The following MAP3K7CL variants were observed in gnomAD, a reference collection of about 807,000 sequenced individuals.
MAP3K7CL encodes MAP3K7 C-terminal like.
In MAP3K7CL, 16 loss-of-function variants were observed where a neutral mutation model predicts 18.6. The ratio of observed to expected loss-of-function variants is 0.86; its 90% confidence interval spans 0.58 to 1.31. The LOEUF (loss-of-function observed/expected upper bound fraction) is 1.31, where lower values mean the gene tolerates loss of function less well. MAP3K7CL is among the 50% of genes most tolerant of loss of function. MAP3K7CL has a pLI of 0.00. For synonymous variants in MAP3K7CL, 65 were observed against 66.8 expected, an observed-to-expected ratio of 0.97 and a Z score of 0.13; for missense variants, 163 against 174.4, an observed-to-expected ratio of 0.93 and a Z score of 0.37.
At chr21:29,138,443 A>G (rs551023992) in intron 2 of MAP3K7CL, among the ~76,000 whole-genome samples, 1 of 152,314 alleles carries the variant, frequency 6.6e-6, no homozygotes, top group South Asian at 2.1e-4. Context: ...TTCAAGAATC[A>G]CTGGCCCTTC....
upstream of MAP3K7CL, chr21:29,130,514 CA>C: frequency 1.3e-6 from 1 of 770,134 alleles, no homozygotes; most frequent in Non-Finnish European, 1.6e-6. Flanking sequence ...TCTTGTGAAG[CA>C]AGTCTGTTTG....
intron 1 of MAP3K7CL, among the ~76,000 whole-genome samples, chr21:29,090,686 T>G (rs1442745470): frequency 6.6e-6 from 1 of 152,034 alleles, no homozygotes; most frequent in African/African-American, 2.4e-5. Flanking sequence ...GCAGCTTCTT[T>G]GTTAATAGAA....
At chr21:29,127,337 T>C (rs1272985941), upstream of MAP3K7CL, among the ~76,000 whole-genome samples, 1 of 152,232 alleles carries the variant, frequency 6.6e-6, no homozygotes, top group Non-Finnish European at 1.5e-5. Context: ...AGAAACATAC[T>C]GTTAATCTGT....
At chr21:29,093,630 C>T (rs1274043264) in intron 4 of MAP3K7CL, among the ~76,000 whole-genome samples, 4 of 152,012 alleles carry the variant, frequency 2.6e-5, no homozygotes, top group South Asian at 4.1e-4. Flanking sequence ...TGCCGGCACC[C>T]GCCACCACGC....
At chr21:29,092,528 C>T (rs1042001792) in exon 4 of MAP3K7CL, 1 of 1,614,112 alleles carries the variant, frequency 6.2e-7, no homozygotes, top group Non-Finnish European at 8.5e-7. Context: ...TGGATGCTCA[C>T]TCTGAAGCCA....
chr21:29,172,850 G>A (rs867185726), intron 4 of MAP3K7CL, among the ~76,000 whole-genome samples: 28 of 71,032 alleles, frequency 3.9e-4, no homozygotes, highest in Non-Finnish European at 4.4e-4. Context: ...CCCTCCCCCC[G>A]CCCCTTGTTC....
intron 4 of MAP3K7CL, among the ~76,000 whole-genome samples, chr21:29,093,140 G>T (rs1476041947): frequency 6.6e-6 from 1 of 152,226 alleles, no homozygotes; most frequent in African/African-American, 2.4e-5. Context: ...CTGACTTCAA[G>T]TGATCCGCCC....
chr21:29,146,328 C>T (rs1006079663), intron 2 of MAP3K7CL, among the ~76,000 whole-genome samples: 1 of 152,074 alleles, frequency 6.6e-6, no homozygotes, highest in East Asian at 1.9e-4. Context: ...CTAAAATGGT[C>T]GTGATGTCTA....
At chr21:29,096,091 T>G (rs1319609394) in intron 4 of MAP3K7CL, among the ~76,000 whole-genome samples, 1 of 152,238 alleles carries the variant, frequency 6.6e-6, no homozygotes, top group Non-Finnish European at 1.5e-5. Context: ...AGTCACATTT[T>G]CAGCCTGGTA....
chr21:29,112,068 G>A (rs912158658), intron 4 of MAP3K7CL, among the ~76,000 whole-genome samples: 9 of 152,072 alleles, frequency 5.9e-5, no homozygotes, highest in South Asian at 4.1e-4. Context: ...AGGCCTAGGC[G>A]GGAGGATCAC....
intron 4 of MAP3K7CL, among the ~76,000 whole-genome samples, chr21:29,106,080 AT>A (rs979647540): frequency 6.6e-6 from 1 of 152,190 alleles, no homozygotes; most frequent in African/African-American, 2.4e-5. Context: ...AGACTGGGGT[AT>A]AAGTAACCTA....
At position 29,135,058 on chromosome 21, in the gene MAP3K7CL, AAAC is replaced by A. The variant is rs1209625370; in HGVS notation, c.70+1647_70+1649del. 1.9e-4 allele frequency among the ~76,000 whole-genome samples: 29 copies of A among 149,708 alleles called. 1 individual carries two copies. Among genetic ancestry groups the A allele is most frequent in the East Asian group, 4.1e-4 (2 of 4,934 alleles). Reference sequence around the variant, plus strand: ...AGAGCAGGACTCCATCTCAAAAAAAAAACAAAAAAAACAAAAAACAAACCATGC... The same window carrying A: ...AGAGCAGGACTCCATCTCAAAAAAAAAAAAAAAACAAAAAACAAACCATGC... On this transcript the variant is annotated intron_variant, in intron 2 of 4. Coordinates refer to ENST00000399928, the MANE Select transcript of MAP3K7CL (RefSeq NM_001286620.2).
chr21:29,133,354 A>G lies in MAP3K7CL; in HGVS notation c.10A>G (p.Thr4Ala). 1 of 1,550,500 alleles carries G rather than the reference A, an allele frequency of 6.4e-7. No individual in the cohort carries two copies. Among genetic ancestry groups the G allele is most frequent in the Non-Finnish European group, 8.7e-7 (1 of 1,146,924 alleles). Residue 4 changes from threonine (T) to alanine (A), a missense_variant, in exon 2 of 5, where the codon ACA becomes GCA. Transcript: ENST00000399928. MIS[T>A]ARVPADKPVR... ...AGGCTCAGGTGCCCACATGATCAGCACAGCCAGGGTACCTGCTGACAAGCC... is the reference window on the plus strand; with the variant it reads ...AGGCTCAGGTGCCCACATGATCAGCGCAGCCAGGGTACCTGCTGACAAGCC...
intron 1 of MAP3K7CL, 147 bp from the exon 2 acceptor site, chr21:29,133,159 G>T (rs926792207): frequency 2.1e-5 from 11 of 526,430 alleles, no homozygotes; most frequent in Non-Finnish European, 3.3e-5. Flanking sequence ...TTTTGACATA[G>T]AAAAAGCTCA....
chr21:29,161,223 T>C (rs541591387), intron 4 of MAP3K7CL, among the ~76,000 whole-genome samples: 53 of 152,288 alleles, frequency 3.5e-4, no homozygotes, highest in African/African-American at 1.1e-3. Context: ...GGCAGGAGAA[T>C]CGCTTGAACC....
Position 29,168,468 on chromosome 21 carries a change from G to A in MAP3K7CL, c.249-6244G>A, listed in dbSNP as rs904704884. ...TTACTTTGTTTATGGAGACAGAGAT[G>A]TAGCCAAAGGTATTCTTTCATTTTA... On this transcript the variant is annotated intron_variant, in intron 4 of 4. Coordinates refer to ENST00000399928, the MANE Select transcript of MAP3K7CL (RefSeq NM_001286620.2). Among the ~76,000 whole-genome samples the A allele has an allele frequency of 2.0e-5, 3 of 152,182 alleles. No individual in the cohort carries two copies. In the East Asian group the frequency reaches 5.8e-4, roughly 29 times the overall value.
chr21:29,091,537 G>A (rs1328580778), exon 2 of MAP3K7CL: 1 of 700,862 alleles, frequency 1.4e-6, no homozygotes. Flanking sequence ...ATGCAGTGGT[G>A]GAATCATGGC....
At chr21:29,159,507 A>T (rs1330201342) in intron 3 of MAP3K7CL, among the ~76,000 whole-genome samples, 1 of 152,266 alleles carries the variant, frequency 6.6e-6, no homozygotes, top group Non-Finnish European at 1.5e-5. Flanking sequence ...AGATGAGATT[A>T]TACCTCCTGG....
At chr21:29,087,589 C>CT (rs56775764) in intron 1 of MAP3K7CL, among the ~76,000 whole-genome samples, 1,117 of 104,250 alleles carry the variant, frequency 0.011, 10 homozygotes, top group East Asian at 0.018. Context: ...TTTTCTTTTT[C>CT]TTTTTTTTTT....
Sources: allele counts gnomAD v4.1 joint callset (sites outside exome capture counted in the v4.1 genomes callset), GRCh38; gene constraint gnomAD v4.1.1; transcripts MANE v1.5; gene names NCBI Gene and HGNC (gene_info 2026-07-23, HGNC 2026-07-21).